The following OPCML variants were observed in gnomAD, a reference collection of about 807,000 sequenced individuals.
OPCML encodes opioid binding protein/cell adhesion molecule like, also known as opioid-binding protein/cell adhesion molecule.
A neutral mutation model predicts 37.8 loss-of-function variants in OPCML; 13 were observed. That is an observed-to-expected ratio of 0.34 (90% CI 0.22 to 0.55). The LOEUF (loss-of-function observed/expected upper bound fraction) is 0.55. OPCML is among the 20% of genes least tolerant of loss of function. The pLI, the probability that OPCML is intolerant of heterozygous loss-of-function variation, is 0.91. For synonymous variants in OPCML, 176 were observed against 168.8 expected (o/e 1.04, Z -0.33); for missense variants, 341 against 435.6 (o/e 0.78, Z 1.93).
intron 1 of OPCML, among the ~76,000 whole-genome samples, chr11:133,401,214 G>C (rs146132021): frequency 0.024 from 3,701 of 152,172 alleles, 73 homozygotes; most frequent in Non-Finnish European, 0.036. Context: ...TGAAATAATT[G>C]ATGTGAAATA....
At chr11:132,693,553 A>ATTCC (rs1482761898) in intron 2 of OPCML, among the ~76,000 whole-genome samples, 7 of 152,192 alleles carry the variant, frequency 4.6e-5, no homozygotes, top group African/African-American at 1.4e-4. Context: ...AAAAAGGAAA[A>ATTCC]TTCAGCTTAA....
At chr11:132,453,175 G>A (rs1198171230) in intron 4 of OPCML, among the ~76,000 whole-genome samples, 6 of 152,180 alleles carry the variant, frequency 3.9e-5, no homozygotes, top group Admixed American at 2.0e-4. Flanking sequence ...TCATGTTAGA[G>A]CAGTAATTCT....
chr11:133,204,111 T>C (rs1292943845), intron 1 of OPCML, among the ~76,000 whole-genome samples: 2 of 150,672 alleles, frequency 1.3e-5, no homozygotes, highest in African/African-American at 4.9e-5. Context: ...GGGACCTTTT[T>C]TGTCTTAACT....
At chr11:132,927,662 T>C (rs1342083652) in intron 2 of OPCML, among the ~76,000 whole-genome samples, 1 of 152,042 alleles carries the variant, frequency 6.6e-6, no homozygotes, top group Non-Finnish European at 1.5e-5. Flanking sequence ...AAATATAATA[T>C]ATGGACACCT....
intron 2 of OPCML, among the ~76,000 whole-genome samples, chr11:132,856,136 T>A (rs1299082474): frequency 1.3e-5 from 2 of 152,150 alleles, no homozygotes; most frequent in Admixed American, 1.3e-4. Flanking sequence ...GGCATAAAAA[T>A]TTGCTTTATA....
chr11:133,346,836 G>A (rs1267770268), intron 1 of OPCML, among the ~76,000 whole-genome samples: 5 of 152,172 alleles, frequency 3.3e-5, no homozygotes, highest in Admixed American at 2.0e-4. Context: ...CTGTGCATGT[G>A]TGTGTGTGTT....
At chr11:132,503,606 C>T (rs1040010717) in intron 4 of OPCML, among the ~76,000 whole-genome samples, 4 of 152,008 alleles carry the variant, frequency 2.6e-5, no homozygotes, top group Admixed American at 2.6e-4. Flanking sequence ...TTTAATAAAA[C>T]TTAAACATTT....
chr11:132,609,628 C>T (rs969633687), intron 3 of OPCML, among the ~76,000 whole-genome samples: 1 of 152,220 alleles, frequency 6.6e-6, no homozygotes, highest in Non-Finnish European at 1.5e-5. Context: ...TCCTGCTCTT[C>T]CTTTAAAGAG....
chr11:133,476,243 G>A (rs1947236107), intron 1 of OPCML, among the ~76,000 whole-genome samples: 1 of 152,158 alleles, frequency 6.6e-6, no homozygotes, highest in South Asian at 2.1e-4. Context: ...TAGACAAACA[G>A]TACAACATCT....
At chr11:132,963,317 C>T (rs963925555) in intron 1 of OPCML, among the ~76,000 whole-genome samples, 3 of 151,962 alleles carry the variant, frequency 2.0e-5, no homozygotes, top group Admixed American at 6.6e-5. Context: ...GTGGGCTGGG[C>T]ACGGTGGCTC....
intron 1 of OPCML, among the ~76,000 whole-genome samples, chr11:133,325,620 T>C (rs1415024959): frequency 6.6e-6 from 1 of 152,208 alleles, no homozygotes; most frequent in African/African-American, 2.4e-5. Context: ...ATTCTATTAA[T>C]AGGCAATAAA....
chr11:132,495,267 A>G (rs2096227785), intron 4 of OPCML, among the ~76,000 whole-genome samples: 1 of 152,190 alleles, frequency 6.6e-6, no homozygotes. Flanking sequence ...GGGCAATGAC[A>G]TTTATACTGA....
intron 3 of OPCML, among the ~76,000 whole-genome samples, chr11:132,545,956 T>C (rs2096367641): frequency 6.6e-6 from 1 of 152,256 alleles, no homozygotes; most frequent in East Asian, 1.9e-4. Context: ...TGCATCTGTC[T>C]GTATTTTGAT....
At position 133,194,636 on chromosome 11, in the gene OPCML, T is replaced by C. The variant is rs559543344; in HGVS notation, c.62-251626A>G. Among the ~76,000 whole-genome samples, 280 of 152,354 alleles carry C rather than the reference T, an allele frequency of 1.8e-3. 4 individuals carry two copies. Among genetic ancestry groups the C allele is most frequent in the Non-Finnish European group, 1.5e-3 (105 of 68,042 alleles). On this transcript the variant is annotated intron_variant, in intron 1 of 7. Coordinates refer to ENST00000524381, the MANE Select transcript of OPCML (RefSeq NM_001012393.5). ...GATACCAAGCCCTTTCCATCTCCGATACGTCCTTCACTTTGCCCATATAGC... is the reference window on the plus strand; with the variant it reads ...GATACCAAGCCCTTTCCATCTCCGACACGTCCTTCACTTTGCCCATATAGC...
At chr11:132,966,364 T>C (rs1946214709) in intron 1 of OPCML, among the ~76,000 whole-genome samples, 1 of 152,118 alleles carries the variant, frequency 6.6e-6, no homozygotes, top group Non-Finnish European at 1.5e-5. Context: ...CTATTTTAGG[T>C]TTAGTATAGT....
chr11:133,461,582 C>G (rs1186680192), intron 1 of OPCML, among the ~76,000 whole-genome samples: 1 of 151,602 alleles, frequency 6.6e-6, no homozygotes, highest in Non-Finnish European at 1.5e-5. Flanking sequence ...ATTAGTAAAA[C>G]CAAGGAAGCA....
chr11:133,157,271 C>T (rs952674540), intron 1 of OPCML, among the ~76,000 whole-genome samples: 8 of 152,156 alleles, frequency 5.3e-5, no homozygotes, highest in South Asian at 2.1e-4. Context: ...TTAAAAGCTG[C>T]GGATAAAACT....
rs189879811 is a variant in OPCML at position 132,488,322 on chromosome 11, T to C, written c.505+40739A>G. On this transcript the variant is annotated intron_variant, in intron 4 of 7. Coordinates refer to ENST00000524381, the MANE Select transcript of OPCML (RefSeq NM_001012393.5). ...TCTGGGAAATGTGTTGAAGGCGGTG[T>C]CATTCTTGTGTGAACACCCTAGAGT... Among the ~76,000 whole-genome samples, 461 of 152,312 alleles carry C rather than the reference T, an allele frequency of 3.0e-3. 5 individuals are homozygous for C. The highest frequency in any genetic ancestry group is 9.5e-3 in the African/African-American group (397 of 41,572).
chr11:132,782,543 A>G (rs1227922899), intron 2 of OPCML, among the ~76,000 whole-genome samples: 1 of 152,194 alleles, frequency 6.6e-6, no homozygotes, highest in Admixed American at 6.5e-5. Flanking sequence ...ACACATGAGT[A>G]TGGTTCTGGC....
Sources: gnomAD v4.1 joint callset for allele counts (sites outside exome capture counted in the v4.1 genomes callset) on GRCh38, gnomAD v4.1.1 for gene constraint, MANE v1.5 for transcripts, NCBI Gene and HGNC (gene_info 2026-07-23, HGNC 2026-07-21) for gene names.